The following BMP2K variants were observed in gnomAD, a reference collection of about 807,000 sequenced individuals.
BMP2K encodes BMP2 inducible kinase.
A neutral mutation model predicts 116.0 loss-of-function variants in BMP2K; 74 were observed. The ratio of observed to expected loss-of-function variants is 0.64; its 90% confidence interval spans 0.53 to 0.77. The LOEUF is 0.77. Among genes scored for constraint, BMP2K ranks in the 30% least tolerant of loss-of-function variants. The pLI is 0.00. For missense variants in BMP2K, 1,365 were observed against 1,403.6 expected (o/e 0.97, Z 0.44); for synonymous variants, 486 against 502.5 (o/e 0.97, Z 0.44).
intron 1 of BMP2K, among the ~76,000 whole-genome samples, chr4:78,809,047 TATTGA>T (rs1216797860): frequency 6.6e-6 from 1 of 152,218 alleles, no homozygotes; most frequent in Non-Finnish European, 1.5e-5. Flanking sequence ...GAAAGAGGAG[TATTGA>T]ATTCTCCAAC....
intron 7 of BMP2K, 117 bp downstream of exon 7, chr4:78,851,173 A>G (rs367946700): frequency 9.4e-7 from 1 of 1,069,464 alleles, no homozygotes. Flanking sequence ...TTGTGAAACT[A>G]TAGTAAAGAA....
At chr4:78,876,530 GC>G (rs775815679) in intron 13 of BMP2K, among the ~76,000 whole-genome samples, 2 of 152,176 alleles carry the variant, frequency 1.3e-5, no homozygotes, top group Non-Finnish European at 2.9e-5. Flanking sequence ...TGCTGAAGGG[GC>G]TTGGACTAAG....
chr4:78,834,407 G>A (rs1371953743), intron 3 of BMP2K, among the ~76,000 whole-genome samples: 1 of 150,976 alleles, frequency 6.6e-6, no homozygotes, highest in Admixed American at 6.6e-5. Context: ...GACTACAGGT[G>A]CCCGCCACGA....
chr4:78,822,743 G>T (rs893407211), intron 1 of BMP2K, among the ~76,000 whole-genome samples: 3 of 152,100 alleles, frequency 2.0e-5, no homozygotes, highest in African/African-American at 2.4e-5. Flanking sequence ...TATGATTTGT[G>T]TACAGAAATT....
chr4:78,794,146 C>G (rs1728140447), intron 1 of BMP2K, among the ~76,000 whole-genome samples: 1 of 152,108 alleles, frequency 6.6e-6, no homozygotes, highest in Non-Finnish European at 1.5e-5. Context: ...CTGACCTCTG[C>G]TTGTAGTTAC....
At chr4:78,886,445 T>C (rs1733090622) in intron 14 of BMP2K, among the ~76,000 whole-genome samples, 3 of 152,234 alleles carry the variant, frequency 2.0e-5, no homozygotes, top group African/African-American at 4.8e-5. Context: ...ACATTTCTTA[T>C]TATGCCTATT....
intron 5 of BMP2K, among the ~76,000 whole-genome samples, chr4:78,846,493 A>C (rs1467037123): frequency 6.6e-6 from 1 of 151,680 alleles, no homozygotes; most frequent in East Asian, 1.9e-4. Context: ...TAGGATGTCC[A>C]TTCATCTTCT....
At chr4:78,862,500 A>G (rs747936916) in intron 9 of BMP2K, among the ~76,000 whole-genome samples, 36 of 152,074 alleles carry the variant, frequency 2.4e-4, no homozygotes, top group Non-Finnish European at 1.0e-4. Context: ...CTATTGTGAA[A>G]CTACAGGACT....
chr4:78,822,027 A>G (rs146858890), intron 1 of BMP2K, among the ~76,000 whole-genome samples: 6 of 152,224 alleles, frequency 3.9e-5, no homozygotes, highest in African/African-American at 1.4e-4. Flanking sequence ...ATGTTCATAT[A>G]TAGTTATTAC....
At chr4:78,797,353 C>A (rs1185698904) in intron 1 of BMP2K, among the ~76,000 whole-genome samples, 1 of 152,180 alleles carries the variant, frequency 6.6e-6, no homozygotes, top group Non-Finnish European at 1.5e-5. Flanking sequence ...TTATGAATAT[C>A]TGCTTTGTTA....
intron 15 of BMP2K, among the ~76,000 whole-genome samples, chr4:78,890,622 GT>G (rs1369708798): frequency 6.6e-6 from 1 of 152,066 alleles, no homozygotes; most frequent in Non-Finnish European, 1.5e-5. Context: ...TGTTTGCTTA[GT>G]TTTTTATGTA....
chr4:78,845,727 T>C (rs1730967151), intron 5 of BMP2K, among the ~76,000 whole-genome samples: 1 of 151,672 alleles, frequency 6.6e-6, no homozygotes, highest in East Asian at 1.9e-4. Flanking sequence ...AGAATAGGAC[T>C]TTCTAAATAG....
chr4:78,798,187 T>TG (rs1254639110), intron 1 of BMP2K, among the ~76,000 whole-genome samples: 1 of 152,162 alleles, frequency 6.6e-6, no homozygotes, highest in Non-Finnish European at 1.5e-5. Context: ...AGGAAAGTCT[T>TG]GGAGTTTGGT....
intron 1 of BMP2K, among the ~76,000 whole-genome samples, chr4:78,787,923 G>A (rs1246185066): frequency 2.6e-5 from 4 of 151,694 alleles, no homozygotes; most frequent in Non-Finnish European, 5.9e-5. Context: ...CTTTATTTTT[G>A]CTGGTTGGAC....
chr4:78,866,236 TA>T (rs967122063), intron 10 of BMP2K, among the ~76,000 whole-genome samples: 4 of 152,096 alleles, frequency 2.6e-5, no homozygotes, highest in African/African-American at 9.7e-5. Flanking sequence ...GTGTGGTACT[TA>T]AAAAAAATTT....
chr4:78,890,979 G>T (rs1471679436), intron 15 of BMP2K, among the ~76,000 whole-genome samples: 1 of 152,328 alleles, frequency 6.6e-6, no homozygotes, highest in South Asian at 2.1e-4. Context: ...AGGATTGCTT[G>T]CTTGAGGCCA....
intron 2 of BMP2K, among the ~76,000 whole-genome samples, chr4:78,829,794 T>TCTCTTCTCTTCTCTC (rs1730103021): frequency 1.1e-5 from 1 of 89,284 alleles, no homozygotes; most frequent in Non-Finnish European, 2.5e-5. Flanking sequence ...TCTTTTCTCT[T>TCTCTTCTCTTCTCTC]CTCTTCTCTT....
intron 10 of BMP2K, among the ~76,000 whole-genome samples, chr4:78,867,539 CA>C (rs1577941442): frequency 6.6e-6 from 1 of 151,514 alleles, no homozygotes; most frequent in African/African-American, 2.4e-5. Context: ...CCAATAAGTG[CA>C]TTTTTTTTTA....
chr4:78,826,840 T>C (rs534675674), intron 2 of BMP2K, among the ~76,000 whole-genome samples: 14 of 152,170 alleles, frequency 9.2e-5, no homozygotes, highest in South Asian at 4.1e-4. Context: ...TACTGAGTTA[T>C]ATAGTAAACA....
Sources: gnomAD v4.1 joint callset for allele counts (sites outside exome capture counted in the v4.1 genomes callset) on GRCh38, gnomAD v4.1.1 for gene constraint, MANE v1.5 for transcripts, NCBI Gene and HGNC (gene_info 2026-07-23, HGNC 2026-07-21) for gene names.